Variants in CACNA1I observed in about 807,000 individuals in gnomAD.
CACNA1I encodes the protein calcium voltage-gated channel subunit alpha1 I, also known as voltage-dependent T-type calcium channel subunit alpha-1I.
Under a neutral mutation model 201.6 loss-of-function variants are expected in CACNA1I, and 74 were observed. The ratio of observed to expected loss-of-function variants is 0.37; its 90% CI spans 0.30 to 0.45. The LOEUF (loss-of-function observed/expected upper bound fraction) is 0.45. CACNA1I is among the 20% of genes least tolerant of loss of function. The pLI is 1.00. For missense variants in CACNA1I, 2,346 were observed against 3,138.1 expected (o/e 0.75, Z 6.03); for synonymous variants, 1,431 against 1,345.2 (o/e 1.06, Z -1.40).
Position 39,629,306 on chromosome 22 carries a change from C to T in CACNA1I, c.581-5259C>T, listed in dbSNP as rs140690741. ...GGATGTACCCCGGCCATCCCAAGCT[C>T]CACATCTCCAGATGGAGCCCCACCC... On this transcript the variant is annotated intron_variant, in intron 4 of 36. Coordinates refer to ENST00000402142, the MANE Select transcript of CACNA1I (RefSeq NM_021096.4). The surrounding 1 kb of genome is among the most constrained non-coding windows in gnomAD (Gnocchi z 4.8). Among the ~76,000 whole-genome samples the T allele has an allele frequency of 0.013, 1,947 of 152,258 alleles. 36 individuals are homozygous for T. The highest frequency in any genetic ancestry group is 0.035 in the African/African-American group (1,437 of 41,552).
At position 39,648,767 on chromosome 22, in the gene CACNA1I, G is replaced by C. The variant is rs957202194; in HGVS notation, c.1568-734G>C. ...AAGAAGGCATTAAACCAAGCAGAGAGAGGCCTCTCTGACACCTCTTTGAGA... is the reference window on the plus strand; with the variant it reads ...AAGAAGGCATTAAACCAAGCAGAGACAGGCCTCTCTGACACCTCTTTGAGA... On this transcript the variant is annotated intron_variant, in intron 9 of 36. Coordinates refer to ENST00000402142, the MANE Select transcript of CACNA1I (RefSeq NM_021096.4). The surrounding 1 kb of genome is among the most constrained non-coding windows in gnomAD (Gnocchi z 5.4). Among the ~76,000 whole-genome samples the C allele has an allele frequency of 3.9e-5, 6 of 152,094 alleles. No homozygotes were observed. Among genetic ancestry groups the C allele is most frequent in the African/African-American group, 1.2e-4 (5 of 41,410 alleles).
At chr22:39,636,728 T>G (rs1403021012) in intron 5 of CACNA1I, among the ~76,000 whole-genome samples, 1 of 152,166 alleles carries the variant, frequency 6.6e-6, no homozygotes, top group Non-Finnish European at 1.5e-5. Context: ...TTTGAGAAGA[T>G]CCTAGCTAGG....
rs1601534583 is a variant in CACNA1I at position 39,684,618 on chromosome 22, C to T, written c.6027+120C>T. 1.2e-5 allele frequency: 13 copies of T among 1,092,402 alleles called. 1 individual carries two copies. The South Asian group carries it at 1.3e-4, about 11-fold the overall frequency. The allele number at this position is 1,092,402 out of a possible 1,614,324, so 67.7% of individuals were successfully genotyped here. On this transcript the variant is annotated intron_variant, in intron 36 of 36. Transcript: ENST00000402142. This position sits in a 1 kb window ranked among gnomAD's most constrained non-coding sequence, Gnocchi z 4.6. ...ACCCAACCAAAGGCCGAGGGCACCA[C>T]CGTGCAAGGGGGTTTGGGAACGCTG... is the stretch of plus-strand genomic sequence containing the variant.
At position 39,665,760 on chromosome 22, in the gene CACNA1I, A is replaced by G; in HGVS notation, c.3979-121A>G. The G allele has an allele frequency of 1.3e-6, 2 of 1,541,854 alleles. No individual in the cohort carries two copies. The highest frequency in any genetic ancestry group is 1.8e-6 in the Non-Finnish European group (2 of 1,126,832). ...GTGGGCTTCTCCTCCAGGGAGGGAG[A>G]CAGACATGGGCCCAGATGACTGAGC... is the stretch of plus-strand genomic sequence containing the variant. On this transcript the variant is annotated intron_variant, in intron 22 of 36. Coordinates refer to ENST00000402142, the MANE Select transcript of CACNA1I (RefSeq NM_021096.4). The surrounding 1 kb of genome is among the most constrained non-coding windows in gnomAD (Gnocchi z 5.5).
chr22:39,673,824 G>A (rs1185901948), intron 28 of CACNA1I, 139 bp from the exon 29 acceptor site: 1 of 711,158 alleles, frequency 1.4e-6, no homozygotes, highest in Non-Finnish European at 2.4e-6. Flanking sequence ...TTCTTGTAAT[G>A]TGGTATCTGA....
At chr22:39,670,320 G>C (rs1353525116) in intron 25 of CACNA1I, 90 bp downstream of exon 25, 2 of 1,350,386 alleles carry the variant, frequency 1.5e-6, no homozygotes, top group Non-Finnish European at 2.0e-6. Context: ...TTTGGAGCTG[G>C]AAGGGAACAA....
Position 39,679,370 on chromosome 22 carries a change from C to A in CACNA1I, c.5319C>A (p.Gly1773=). The change falls in exon 32 of 37, where the codon GGC becomes GGA. Residue 1773 remains glycine, a synonymous_variant. Transcript: ENST00000402142. ...CTACCGGCTCCCCGGGCGCCCCTGGCCGAGGGCCGGGAGGGGCGGGCGGCG... is the reference window on the plus strand; with the variant it reads ...CTACCGGCTCCCCGGGCGCCCCTGGACGAGGGCCGGGAGGGGCGGGCGGCG... ...RLPTGSPGAP[G]RGPGGAGGGG... 1 of 1,532,710 alleles carries A rather than the reference C, an allele frequency of 6.5e-7. No individual in the cohort carries two copies. The highest frequency in any genetic ancestry group is 8.8e-7 in the Non-Finnish European group (1 of 1,141,974). 94.9% of individuals were successfully genotyped at this position (1,532,710 alleles called of 1,614,324 possible).
intron 3 of CACNA1I, 79 bp downstream of exon 3, chr22:39,600,732 A>G: frequency 6.8e-7 from 1 of 1,463,796 alleles, no homozygotes; most frequent in Non-Finnish European, 9.0e-7. Context: ...CTTCTTGCTG[A>G]TGGCGATGAA....
intron 2 of CACNA1I, among the ~76,000 whole-genome samples, chr22:39,599,618 C>CAAAA (rs71197187): frequency 1.6e-5 from 1 of 64,340 alleles, no homozygotes; most frequent in African/African-American, 7.0e-5. Context: ...GACTCCGTCT[C>CAAAA]AAAAAAAAAA....
Position 39,686,158 on chromosome 22 carries a change from C to T in CACNA1I, c.6425C>T (p.Pro2142Leu), listed in dbSNP as rs1935866088. 1 of 1,282,002 alleles carries T rather than the reference C, an allele frequency of 7.8e-7. No homozygotes were observed. The highest frequency in any genetic ancestry group is 9.9e-7 in the Non-Finnish European group (1 of 1,015,220). The allele number at this position is 1,282,002 out of a possible 1,614,324, so 79.4% of individuals were successfully genotyped here. A position where few individuals can be genotyped will look rare whatever the true frequency, so the allele number is the denominator to read the frequency against. ...TCCCTCTTCTGCCCGCCGCCCCCGC[C>T]GCCAGCCCCCGGCCTCACGCCCGCC... Reference protein sequence around the residue: ...LTSLFCPPPPPPAPGLTPARK... With the variant: ...LTSLFCPPPPLPAPGLTPARK... The change falls in exon 37 of 37, where the codon CCG (proline) becomes CTG (leucine). Residue 2142 changes from proline (P) to leucine (L), a missense_variant. By Grantham distance (98) the Pro-to-Leu change is moderately conservative. Around this residue, in one of 13 missense-constraint regions of CACNA1I, gnomAD observed 187 missense variants for 151.0 expected, o/e 1.24. Coordinates refer to ENST00000402142, the MANE Select transcript of CACNA1I (RefSeq NM_021096.4).
chr22:39,627,230 T>A (rs982827488), intron 4 of CACNA1I, among the ~76,000 whole-genome samples: 3 of 152,194 alleles, frequency 2.0e-5, no homozygotes, highest in Non-Finnish European at 4.4e-5. Flanking sequence ...AGGCCCTCTC[T>A]CCTTCCATCT....
rs753082996 is a variant in CACNA1I, at chr22:39,661,295, T to C, written c.2886T>C (p.Tyr962=). 6.3e-7 allele frequency: 1 copy of C among 1,578,794 alleles called. No homozygotes were observed. Among genetic ancestry groups the C allele is most frequent in the Non-Finnish European group, 8.6e-7 (1 of 1,161,946 alleles). ...SSVMSLGRMS[Y]DQRSLSSSRS... is the part of the protein sequence containing the mutation. ...TCATGTCTCTAGGGAGGATGAGCTATGACCAGCGCTCCCTGGTGAGTCCTT... is the reference window on the plus strand; with the variant it reads ...TCATGTCTCTAGGGAGGATGAGCTACGACCAGCGCTCCCTGGTGAGTCCTT... The change falls in exon 16 of 37, where the codon TAT becomes TAC. Residue 962 remains tyrosine, a synonymous_variant. Coordinates refer to ENST00000402142, the MANE Select transcript of CACNA1I (RefSeq NM_021096.4).
intron 10 of CACNA1I, chr22:39,656,287 C>G (rs546526361): frequency 2.5e-5 from 11 of 444,410 alleles, no homozygotes; most frequent in South Asian, 1.8e-4. Context: ...TGCGGCTCCC[C>G]GTTGCTGATG....
intron 3 of CACNA1I, among the ~76,000 whole-genome samples, chr22:39,600,935 A>G (rs1361136367): frequency 2.0e-5 from 3 of 152,064 alleles, no homozygotes; most frequent in African/African-American, 7.2e-5. Flanking sequence ...TCATTTCCTC[A>G]TCTGAAAAGG....
At chr22:39,593,348 G>A (rs1042921560) in intron 1 of CACNA1I, among the ~76,000 whole-genome samples, 6 of 152,204 alleles carry the variant, frequency 3.9e-5, no homozygotes, top group African/African-American at 1.4e-4. Flanking sequence ...AGTCGTCAGA[G>A]GTACTGCCAA....
intron 2 of CACNA1I, 136 bp from the exon 3 acceptor site, chr22:39,600,384 C>T (rs1932997812): frequency 3.0e-6 from 2 of 664,808 alleles, no homozygotes; most frequent in Non-Finnish European, 2.6e-6. Context: ...TCTCCTCCTG[C>T]CCAGGAGGAG....
chr22:39,641,196 G>GGCCTGGGGCCA lies in CACNA1I; in HGVS notation c.1056+21_1056+31dup. On this transcript the variant is annotated intron_variant, in intron 6 of 36. Coordinates refer to ENST00000402142, the MANE Select transcript of CACNA1I (RefSeq NM_021096.4). ...GTCATCTTCCAGGTGAGGCCATTCA[G>GGCCTGGGGCCA]GCCTGGGGCCAGCCTGGTCCTAGAG... The GGCCTGGGGCCA allele has an allele frequency of 1.2e-6, 2 of 1,606,780 alleles. No homozygotes were observed. Among genetic ancestry groups the GGCCTGGGGCCA allele is most frequent in the South Asian group, 2.2e-5 (2 of 90,410 alleles).
intron 17 of CACNA1I, 104 bp downstream of exon 17, chr22:39,662,539 T>G: frequency 1.1e-6 from 1 of 900,258 alleles, no homozygotes; most frequent in Non-Finnish European, 1.6e-6. Context: ...ACGGGGGGCG[T>G]GGCCGGGGCG....
chr22:39,640,742 C>T, intron 5 of CACNA1I, 125 bp from the exon 6 acceptor site: 1 of 759,798 alleles, frequency 1.3e-6, no homozygotes. Context: ...AGGGGAACAG[C>T]ATGTGCCAAG....
Sources: gnomAD v4.1 joint callset for allele counts (sites outside exome capture counted in the v4.1 genomes callset) on GRCh38, gnomAD v4.1.1 for gene constraint, gnomAD v4.1.1 regional missense constraint, Gnocchi (gnomAD v3.1) non-coding constraint, MANE v1.5 for transcripts, NCBI Gene and HGNC (gene_info 2026-07-23, HGNC 2026-07-21) for gene names.